KDM4C: variants seen among roughly 807,000 people sequenced by gnomAD.
KDM4C encodes the protein lysine demethylase 4C.
A neutral mutation model predicts 129.3 loss-of-function variants in KDM4C; 81 were observed. The ratio of observed to expected loss-of-function variants is 0.63; its 90% CI spans 0.52 to 0.75. The LOEUF is 0.75. Ranked by LOEUF, KDM4C falls within the 30% of genes least tolerant of loss-of-function variation. The pLI, the probability that KDM4C is intolerant of heterozygous loss-of-function variation, is 0.00. For synonymous variants in KDM4C, 573 were observed against 456.1 expected (o/e 1.26, Z -3.26); for missense variants, 1,457 against 1,304.0 (o/e 1.12, Z -1.81).
intron 5 of KDM4C, among the ~76,000 whole-genome samples, chr9:6,860,097 C>T (rs953425357): frequency 5.3e-5 from 8 of 152,080 alleles, no homozygotes; most frequent in African/African-American, 1.9e-4. Flanking sequence ...GAGAAACGTG[C>T]TCCTCATTTT....
At chr9:6,833,196 A>G (rs1835229115) in intron 4 of KDM4C, among the ~76,000 whole-genome samples, 1 of 152,158 alleles carries the variant, frequency 6.6e-6, no homozygotes, top group African/African-American at 2.4e-5. Context: ...TTTCTACAAG[A>G]GCCATCTGTA....
At chr9:7,105,366 A>C in intron 18 of KDM4C, 1 of 454,870 alleles carries the variant, frequency 2.2e-6, no homozygotes, top group Non-Finnish European at 4.6e-6. Context: ...CCTCATCTAT[A>C]AAACATGGTA....
intron 1 of KDM4C, among the ~76,000 whole-genome samples, chr9:6,782,399 C>G (rs146396915): frequency 3.9e-5 from 6 of 152,192 alleles, no homozygotes; most frequent in Non-Finnish European, 8.8e-5. Context: ...TCTGCTCCTA[C>G]TAACTTGGGA....
At chr9:6,969,174 G>C (rs1303804322) in intron 8 of KDM4C, among the ~76,000 whole-genome samples, 1 of 152,196 alleles carries the variant, frequency 6.6e-6, no homozygotes. Flanking sequence ...GACCTCAAGT[G>C]ATCTGCCTGC....
chr9:6,972,546 C>G (rs750835327), intron 8 of KDM4C, among the ~76,000 whole-genome samples: 3 of 152,082 alleles, frequency 2.0e-5, no homozygotes, highest in Admixed American at 2.0e-4. Context: ...CAGTTGTGGT[C>G]ATAGGTTATT....
intron 1 of KDM4C, among the ~76,000 whole-genome samples, chr9:6,748,530 A>T (rs1214207135): frequency 1.3e-5 from 2 of 151,712 alleles, no homozygotes; most frequent in African/African-American, 4.8e-5. Flanking sequence ...AAAAAGATTT[A>T]TTATTATTAT....
chr9:7,037,886 G>C (rs1036218979), intron 15 of KDM4C, among the ~76,000 whole-genome samples: 3 of 152,174 alleles, frequency 2.0e-5, no homozygotes, highest in African/African-American at 7.2e-5. Context: ...TAGCAGTATA[G>C]CCAGATCTTT....
chr9:6,951,726 A>T (rs1329308683), intron 8 of KDM4C, among the ~76,000 whole-genome samples: 1 of 152,210 alleles, frequency 6.6e-6, no homozygotes, highest in African/African-American at 2.4e-5. Context: ...TCATTGTCCT[A>T]TTTCATGCAT....
intron 4 of KDM4C, among the ~76,000 whole-genome samples, chr9:6,831,579 G>A (rs1834836678): frequency 1.3e-5 from 2 of 152,076 alleles, no homozygotes; most frequent in South Asian, 4.2e-4. Flanking sequence ...CTGACCTCAG[G>A]TAATCCAGCC....
intron 6 of KDM4C, among the ~76,000 whole-genome samples, chr9:6,882,322 G>T (rs573057513): frequency 6.6e-6 from 1 of 152,292 alleles, no homozygotes; most frequent in African/African-American, 2.4e-5. Context: ...GTTAAATCAT[G>T]AATGACAGTT....
chr9:7,066,815 A>C (rs142509899), intron 17 of KDM4C, among the ~76,000 whole-genome samples: 331 of 152,340 alleles, frequency 2.2e-3, no homozygotes, highest in African/African-American at 7.6e-3. Context: ...AGTGCTGCAG[A>C]TATTTGCTTT....
intron 12 of KDM4C, among the ~76,000 whole-genome samples, chr9:6,990,731 T>G (rs773882374): frequency 4.6e-5 from 7 of 152,222 alleles, no homozygotes; most frequent in Admixed American, 1.3e-4. Context: ...GCCTTATTAC[T>G]GGTAAAAGTC....
At chr9:6,724,718 A>C (rs999875125) in intron 1 of KDM4C, among the ~76,000 whole-genome samples, 1 of 151,932 alleles carries the variant, frequency 6.6e-6, no homozygotes, top group African/African-American at 2.4e-5. Flanking sequence ...TTTAGTAGAG[A>C]TGGGGTTTCA....
intron 19 of KDM4C, among the ~76,000 whole-genome samples, chr9:7,148,275 G>A (rs1413756792): frequency 6.6e-6 from 1 of 152,226 alleles, no homozygotes; most frequent in Admixed American, 6.5e-5. Flanking sequence ...TGAAGGTCTG[G>A]GCTCCCAGAA....
intron 11 of KDM4C, among the ~76,000 whole-genome samples, chr9:6,987,932 G>T (rs1377071247): frequency 6.6e-6 from 1 of 151,674 alleles, no homozygotes; most frequent in Non-Finnish European, 1.5e-5. Flanking sequence ...TGTGGTGGGA[G>T]GATCCCCTCG....
At chr9:6,738,635 C>T (rs907452924) in intron 1 of KDM4C, among the ~76,000 whole-genome samples, 7 of 152,104 alleles carry the variant, frequency 4.6e-5, no homozygotes, top group Non-Finnish European at 1.0e-4. Context: ...GACAGAGTCT[C>T]GCTCTGTCAC....
At chr9:7,076,940 C>T (rs1415702129) in intron 17 of KDM4C, 1 of 986,172 alleles carries the variant, frequency 1.0e-6, no homozygotes, top group Non-Finnish European at 1.2e-6. Context: ...GAAGTTACAC[C>T]ATTTTTCTAC....
At chr9:7,128,374 A>T (rs1840250876) in intron 19 of KDM4C, 138 bp downstream of exon 19, 1 of 575,996 alleles carries the variant, frequency 1.7e-6, no homozygotes, top group Non-Finnish European at 2.8e-6. Flanking sequence ...CATTCTAAAT[A>T]ATATCCAGGT....
At chr9:6,813,478 G>T (rs1831533110) in intron 3 of KDM4C, among the ~76,000 whole-genome samples, 1 of 152,196 alleles carries the variant, frequency 6.6e-6, no homozygotes, top group East Asian at 1.9e-4. Flanking sequence ...TTGTTACACA[G>T]ATAACTAGTT....
Sources: allele counts gnomAD v4.1 joint callset (sites outside exome capture counted in the v4.1 genomes callset), GRCh38; gene constraint gnomAD v4.1.1; transcripts MANE v1.5; gene names NCBI Gene and HGNC (gene_info 2026-07-23, HGNC 2026-07-21).